Variants in LSAMP observed in about 807,000 individuals in gnomAD.
The protein encoded by LSAMP is limbic system associated membrane protein.
LSAMP carries 7 observed loss-of-function variants against 38.6 expected under a neutral mutation model. The ratio of observed to expected loss-of-function variants is 0.18; its 90% CI spans 0.10 to 0.34. The LOEUF is 0.34. Ranked by LOEUF, LSAMP falls within the 10% of genes least tolerant of loss-of-function variation. LSAMP has a pLI of 1.00. For synonymous variants in LSAMP, 154 were observed against 166.8 expected, an observed-to-expected ratio of 0.92 and a Z score of 0.59; for missense variants, 313 against 420.0, an observed-to-expected ratio of 0.75 and a Z score of 2.23.
At chr3:115,956,673 A>T (rs1938464629) in intron 3 of LSAMP, among the ~76,000 whole-genome samples, 1 of 152,248 alleles carries the variant, frequency 6.6e-6, no homozygotes, top group East Asian at 1.9e-4. Context: ...CAAGATAAAA[A>T]TCCAAAAGGC....
intron 1 of LSAMP, among the ~76,000 whole-genome samples, chr3:116,253,778 A>T (rs2046716341): frequency 6.6e-6 from 1 of 152,206 alleles, no homozygotes; most frequent in Non-Finnish European, 1.5e-5. Context: ...AATGAAAGAC[A>T]ATGGCAGGAA....
At chr3:116,354,026 A>G (rs2048185505) in intron 1 of LSAMP, among the ~76,000 whole-genome samples, 1 of 152,154 alleles carries the variant, frequency 6.6e-6, no homozygotes. Flanking sequence ...CAGTATTATC[A>G]GGATCTGCTA....
chr3:115,804,875 T>G lies in LSAMP; in HGVS notation c.*5442A>C, dbSNP rs1439446993. On this transcript the variant is annotated 3_prime_UTR_variant, in exon 7 of 7. Coordinates refer to ENST00000490035, the MANE Select transcript of LSAMP (RefSeq NM_002338.5). The stretch of plus-strand genomic sequence containing the variant: ...ATTCAGGATAAATGTGTGGAAACAT[T>G]AGGCTACCAGATAAATAAAAGGTAG... The G allele has an allele frequency of 3.3e-5, 5 of 152,182 alleles. No individual in the cohort carries two copies. Among genetic ancestry groups the G allele is most frequent in the African/African-American group, 9.6e-5 (4 of 41,458 alleles). The allele number at this position is 152,182 out of a possible 1,614,324, so 9.4% of individuals were successfully genotyped here. A position where few individuals can be genotyped will look rare whatever the true frequency, so the allele number is the denominator to read the frequency against.
intron 6 of LSAMP, among the ~76,000 whole-genome samples, chr3:115,812,313 A>C (rs1055842763): frequency 1.3e-5 from 2 of 152,216 alleles, no homozygotes; most frequent in Non-Finnish European, 2.9e-5. Context: ...TCATATTAAC[A>C]AAAGGCACCT....
chr3:116,289,746 A>C (rs527747568), intron 1 of LSAMP, among the ~76,000 whole-genome samples: 1 of 152,184 alleles, frequency 6.6e-6, no homozygotes. Context: ...GTCCCAGCAC[A>C]AACCTGCTTA....
intron 1 of LSAMP, among the ~76,000 whole-genome samples, chr3:116,170,319 G>T (rs1373200872): frequency 6.6e-6 from 1 of 152,084 alleles, no homozygotes; most frequent in Non-Finnish European, 1.5e-5. Context: ...TAATCTAATT[G>T]CTTAGTGGCA....
At chr3:115,894,053 C>T (rs1197026124) in intron 3 of LSAMP, among the ~76,000 whole-genome samples, 1 of 151,970 alleles carries the variant, frequency 6.6e-6, no homozygotes, top group Admixed American at 6.6e-5. Flanking sequence ...CACTTTCTTA[C>T]TCTTAATTTA....
At chr3:116,229,383 T>G (rs2046376192) in intron 1 of LSAMP, among the ~76,000 whole-genome samples, 1 of 152,150 alleles carries the variant, frequency 6.6e-6, no homozygotes, top group African/African-American at 2.4e-5. Flanking sequence ...GAGATGAATT[T>G]GCTAGTGGAT....
chr3:115,985,076 TATTTA>T (rs1259313071), intron 3 of LSAMP, among the ~76,000 whole-genome samples: 1 of 152,216 alleles, frequency 6.6e-6, no homozygotes. Context: ...AAAAGGCTTT[TATTTA>T]GACTACTATG....
intron 1 of LSAMP, among the ~76,000 whole-genome samples, chr3:116,426,971 T>A (rs1301427168): frequency 6.6e-6 from 1 of 152,114 alleles, no homozygotes; most frequent in East Asian, 1.9e-4. Context: ...GCATACAACC[T>A]GAGACTGATT....
At chr3:116,369,744 T>C (rs2048405371) in intron 1 of LSAMP, 1 of 152,374 alleles carries the variant, frequency 6.6e-6, no homozygotes, top group African/African-American at 2.4e-5. Context: ...TAACCATACA[T>C]GGAGCTAAGT....
intron 1 of LSAMP, among the ~76,000 whole-genome samples, chr3:116,377,432 A>G (rs1258526550): frequency 6.6e-6 from 1 of 152,116 alleles, no homozygotes; most frequent in Non-Finnish European, 1.5e-5. Context: ...ATGGCAGCTT[A>G]GTATTCCATA....
chr3:116,403,905 T>C (rs1242947822), intron 1 of LSAMP, among the ~76,000 whole-genome samples: 1 of 150,412 alleles, frequency 6.6e-6, no homozygotes, highest in Admixed American at 6.6e-5. Context: ...TGTGTACTAC[T>C]ACACTACCAT....
At chr3:115,888,796 A>G (rs1186099134) in intron 3 of LSAMP, among the ~76,000 whole-genome samples, 2 of 151,926 alleles carry the variant, frequency 1.3e-5, no homozygotes, top group Non-Finnish European at 2.9e-5. Context: ...TGGAAGTATA[A>G]TAAGTGCAGA....
intron 1 of LSAMP, among the ~76,000 whole-genome samples, chr3:116,297,502 T>G (rs1190058764): frequency 6.6e-6 from 1 of 152,190 alleles, no homozygotes; most frequent in African/African-American, 2.4e-5. Context: ...AAATGACATT[T>G]TTTCTTGTAC....
intron 3 of LSAMP, among the ~76,000 whole-genome samples, chr3:115,904,417 C>T (rs1202332291): frequency 2.0e-5 from 3 of 151,810 alleles, no homozygotes; most frequent in Non-Finnish European, 4.4e-5. Flanking sequence ...ACAAAGAAAA[C>T]GTCAGTCCCA....
At chr3:116,283,647 T>C (rs1209987697) in intron 1 of LSAMP, among the ~76,000 whole-genome samples, 2 of 152,162 alleles carry the variant, frequency 1.3e-5, no homozygotes, top group Non-Finnish European at 2.9e-5. Flanking sequence ...TTTAAAGAGA[T>C]TCTGGGAATC....
chr3:115,856,384 G>A lies in LSAMP; in HGVS notation c.515-3767C>T, dbSNP rs148396264. Among the ~76,000 whole-genome samples the A allele has an allele frequency of 4.9e-3, 747 of 152,216 alleles. 5 individuals carry two copies. The highest frequency in any genetic ancestry group is 0.016 in the African/African-American group (660 of 41,532). On this transcript the variant is annotated intron_variant, in intron 3 of 6. Coordinates refer to ENST00000490035, the MANE Select transcript of LSAMP (RefSeq NM_002338.5). ...TGTAACCCTAGCACTTTGGGAGGCC[G>A]AGGTGGGCAGATCACTTGAGGTCAA... is the stretch of plus-strand genomic sequence containing the variant.
intron 1 of LSAMP, among the ~76,000 whole-genome samples, chr3:116,249,393 T>A (rs200548325): frequency 1.3e-3 from 201 of 150,178 alleles, no homozygotes; most frequent in Middle Eastern, 3.4e-3. Context: ...ATTCTATATT[T>A]TTTTTTTTTG....
Sources: allele counts gnomAD v4.1 joint callset (sites outside exome capture counted in the v4.1 genomes callset), GRCh38; gene constraint gnomAD v4.1.1; transcripts MANE v1.5; gene names NCBI Gene and HGNC (gene_info 2026-07-23, HGNC 2026-07-21).